Variants in TRABD2A observed in about 807,000 individuals in gnomAD.
TRABD2A encodes metalloprotease TIKI1.
A neutral mutation model predicts 45.6 loss-of-function variants in TRABD2A; 43 were observed. The ratio of observed to expected loss-of-function variants is 0.94; its 90% CI spans 0.74 to 1.22. The LOEUF (loss-of-function observed/expected upper bound fraction) is 1.22. Ranked by LOEUF, TRABD2A falls within the 50% of genes most tolerant of loss-of-function variation. The pLI, the probability that TRABD2A is intolerant of heterozygous loss-of-function variation, is 0.00. For synonymous variants in TRABD2A, 269 were observed against 265.0 expected (o/e 1.02, Z -0.15); for missense variants, 642 against 652.4 (o/e 0.98, Z 0.17).
chr2:84,866,682 C>CTTTTTTTTTTT (rs111567421), intron 2 of TRABD2A, among the ~76,000 whole-genome samples: 1 of 139,400 alleles, frequency 7.2e-6, no homozygotes, highest in Non-Finnish European at 1.6e-5. Flanking sequence ...CAATTTCCTG[C>CTTTTTTTTTTT]TTTTTTTTTT....
At chr2:84,824,384 G>C (rs1367154000) in intron 5 of TRABD2A, among the ~76,000 whole-genome samples, 180 bp from the exon 6 acceptor site, 5 of 151,620 alleles carry the variant, frequency 3.3e-5, no homozygotes, top group African/African-American at 1.2e-4. Context: ...TCTCTTTGAC[G>C]CCTTTTTTTT....
At chr2:84,877,106 G>A (rs1333323638) in intron 1 of TRABD2A, among the ~76,000 whole-genome samples, 4 of 152,118 alleles carry the variant, frequency 2.6e-5, no homozygotes, top group Non-Finnish European at 5.9e-5. Flanking sequence ...AACCATTCCT[G>A]TGGAACACTG....
At chr2:84,823,848 T>G in intron 6 of TRABD2A, 105 bp downstream of exon 6, 2 of 1,472,484 alleles carry the variant, frequency 1.4e-6, no homozygotes, top group Non-Finnish European at 1.8e-6. Flanking sequence ...AGGGAAAGGT[T>G]GCTCCATGAG....
chr2:84,854,309 G>A (rs951161521), intron 2 of TRABD2A, among the ~76,000 whole-genome samples: 2 of 152,034 alleles, frequency 1.3e-5, no homozygotes, highest in South Asian at 4.1e-4. Flanking sequence ...TGGATACTGA[G>A]GGACAACTGT....
chr2:84,827,250 G>A (rs1681176402), intron 5 of TRABD2A, among the ~76,000 whole-genome samples: 1 of 152,150 alleles, frequency 6.6e-6, no homozygotes, highest in Non-Finnish European at 1.5e-5. Context: ...CCCCCTACCT[G>A]CATTTCACGC....
chr2:84,857,918 C>T (rs1156535799), intron 2 of TRABD2A, among the ~76,000 whole-genome samples: 2 of 152,204 alleles, frequency 1.3e-5, no homozygotes, highest in Non-Finnish European at 2.9e-5. Context: ...CTCTGTCACC[C>T]GGGCCAGAAT....
At chr2:84,868,987 C>T (rs1487705019) in intron 2 of TRABD2A, among the ~76,000 whole-genome samples, 1 of 152,166 alleles carries the variant, frequency 6.6e-6, no homozygotes, top group East Asian at 1.9e-4. Context: ...TTAATGATCC[C>T]TTATCTTATC....
At chr2:84,845,265 C>T (rs1055521373) in intron 2 of TRABD2A, among the ~76,000 whole-genome samples, 8 of 152,174 alleles carry the variant, frequency 5.3e-5, no homozygotes, top group South Asian at 2.1e-4. Context: ...GCACGAGAAT[C>T]GCTTTTAACC....
rs979452131 is a variant in TRABD2A, at chr2:84,870,305, C to T, written c.589G>A (p.Glu197Lys). The T allele has an allele frequency of 1.7e-5, 28 of 1,613,934 alleles. No homozygotes were observed. In the Admixed American group the frequency reaches 3.8e-4, roughly 22 times the overall value. Residue 197 changes from glutamate (E) to lysine (K), a missense_variant, in exon 2 of 7, where the codon GAG becomes AAG. Coordinates refer to ENST00000409520, the MANE Select transcript of TRABD2A (RefSeq NM_001277053.2). The stretch of plus-strand genomic sequence containing the variant: ...GCCCCAGTCTGTTTCCTCAGCCGCT[C>T]AGCCTCCTGGGCAAGGAACAGGTCT... The part of the protein sequence containing the change: ...VLDLFLAQEA[E>K]RLRKQTGAVE...
At position 84,863,101 on chromosome 2, in the gene TRABD2A, C is replaced by T. The variant is rs979447806; in HGVS notation, c.669+7124G>A. On this transcript the variant is annotated intron_variant, in intron 2 of 6. Transcript: ENST00000409520. ...TAGACGTGTCAGACTCCCAGGGTACCGACAGTAACTGCAGCACTTCAGCCC... is the reference window on the plus strand; with the variant it reads ...TAGACGTGTCAGACTCCCAGGGTACTGACAGTAACTGCAGCACTTCAGCCC... 2.0e-5 allele frequency among the ~76,000 whole-genome samples: 3 copies of T among 152,168 alleles called. No individual in the cohort carries two copies. In the South Asian group the frequency reaches 6.2e-4, roughly 32 times the overall value.
chr2:84,848,375 T>TAGACAGACAGAC (rs57767626), intron 2 of TRABD2A, among the ~76,000 whole-genome samples: 7 of 80,588 alleles, frequency 8.7e-5, no homozygotes, highest in African/African-American at 3.2e-4. Context: ...GATAGATAGA[T>TAGACAGACAGAC]AGACAGACAG....
At chr2:84,831,966 G>T in intron 5 of TRABD2A, 89 bp downstream of exon 5, 2 of 1,306,852 alleles carry the variant, frequency 1.5e-6, no homozygotes, top group Non-Finnish European at 2.2e-6. Context: ...GTTCTCTGGA[G>T]CTCCTCAAGA....
At chr2:84,873,045 G>T (rs889962467) in intron 1 of TRABD2A, among the ~76,000 whole-genome samples, 5 of 150,552 alleles carry the variant, frequency 3.3e-5, no homozygotes, top group African/African-American at 1.2e-4. Flanking sequence ...AACCTAGGAG[G>T]TGGAGGTTGC....
intron 2 of TRABD2A, among the ~76,000 whole-genome samples, chr2:84,846,923 G>A (rs972960959): frequency 6.6e-6 from 1 of 152,240 alleles, no homozygotes; most frequent in Non-Finnish European, 1.5e-5. Flanking sequence ...GCAGGTCACT[G>A]CTATCCAGCT....
chr2:84,852,167 C>T (rs530690984), intron 2 of TRABD2A, among the ~76,000 whole-genome samples: 1 of 152,304 alleles, frequency 6.6e-6, no homozygotes, highest in East Asian at 1.9e-4. Flanking sequence ...AGTATAGCTA[C>T]CCCAGCACAT....
At chr2:84,847,180 A>C (rs1443157476) in intron 2 of TRABD2A, among the ~76,000 whole-genome samples, 1 of 152,204 alleles carries the variant, frequency 6.6e-6, no homozygotes, top group Non-Finnish European at 1.5e-5. Flanking sequence ...GCACCACAGG[A>C]GCAATGCACA....
At chr2:84,868,870 T>C (rs1682780375) in intron 2 of TRABD2A, among the ~76,000 whole-genome samples, 1 of 152,244 alleles carries the variant, frequency 6.6e-6, no homozygotes, top group Non-Finnish European at 1.5e-5. Context: ...CACCTTTCTT[T>C]TTCAAAATAT....
intron 2 of TRABD2A, among the ~76,000 whole-genome samples, chr2:84,844,889 A>G (rs76162297): frequency 0.032 from 4,942 of 152,346 alleles, 279 homozygotes; most frequent in African/African-American, 0.11. Flanking sequence ...GCACAAGCCC[A>G]GGTTACCTGG....
chr2:84,861,663 G>T (rs941132282), intron 2 of TRABD2A, among the ~76,000 whole-genome samples: 7 of 152,164 alleles, frequency 4.6e-5, no homozygotes, highest in African/African-American at 1.7e-4. Context: ...ACAACCATCG[G>T]CAGCCTCTTC....
Sources: allele counts gnomAD v4.1 joint callset (sites outside exome capture counted in the v4.1 genomes callset), GRCh38; gene constraint gnomAD v4.1.1; transcripts MANE v1.5; gene names NCBI Gene and HGNC (gene_info 2026-07-23, HGNC 2026-07-21).